MLLT1: variants seen among roughly 807,000 people sequenced by gnomAD.
MLLT1 encodes the protein protein ENL.
MLLT1 carries 11 observed loss-of-function variants against 55.1 expected under a neutral mutation model. The observed-to-expected ratio is 0.20, with a 90% confidence interval of 0.13 to 0.33. The LOEUF (loss-of-function observed/expected upper bound fraction) is 0.33, where lower values mean the gene tolerates loss of function less well. MLLT1 is among the 10% of genes least tolerant of loss of function. MLLT1 has a pLI of 1.00. For missense variants in MLLT1, 536 were observed against 760.6 expected, an observed-to-expected ratio of 0.70 and a Z score of 3.47; for synonymous variants, 323 against 320.1, an observed-to-expected ratio of 1.01 and a Z score of -0.10.
At chr19:6,244,043 CA>C (rs1179461309) in intron 3 of MLLT1, among the ~76,000 whole-genome samples, 3,473 of 45,250 alleles carry the variant, frequency 0.077, 28 homozygotes, top group Middle Eastern at 0.1. Context: ...GACTCCACCT[CA>C]AAAAAAAAAA....
intron 2 of MLLT1, among the ~76,000 whole-genome samples, chr19:6,268,917 G>A (rs1021779755): frequency 6.6e-6 from 1 of 152,222 alleles, no homozygotes. Context: ...ACTTGGAGAA[G>A]GTGCCATGTC....
At chr19:6,213,884 C>A in intron 9 of MLLT1, 55 bp downstream of exon 9, 1 of 1,527,158 alleles carries the variant, frequency 6.5e-7, no homozygotes, top group South Asian at 1.2e-5. Context: ...GACAGCCCGG[C>A]CCAGGGCTAA....
chr19:6,279,701 G>A (rs1369533408), intron 1 of MLLT1, 72 bp downstream of exon 1: 1 of 148,392 alleles, frequency 6.7e-6, no homozygotes, highest in Non-Finnish European at 1.5e-5. Flanking sequence ...CCGGGACCGG[G>A]GAGGGCCGGG....
At chr19:6,221,021 A>G (rs1030353671) in intron 6 of MLLT1, among the ~76,000 whole-genome samples, 1 of 152,204 alleles carries the variant, frequency 6.6e-6, no homozygotes, top group African/African-American at 2.4e-5. Context: ...TGTTACCCAG[A>G]GGCTGGACCG....
intron 6 of MLLT1, 73 bp from the exon 7 acceptor site, chr19:6,218,114 GC>G (rs1300992200): frequency 2.6e-6 from 4 of 1,523,244 alleles, no homozygotes; most frequent in African/African-American, 2.8e-5. Flanking sequence ...GACAAAGGGG[GC>G]CCCCTGGCAG....
Position 6,249,564 on chromosome 19 carries a change from C to T in MLLT1, c.276+12664G>A, listed in dbSNP as rs79584678. ...CCACTTTCCAAAAGAACAGTTCAGC[C>T]GCAGCATGCAGAAGCCTCGAGGCCG... On this transcript the variant is annotated intron_variant, in intron 3 of 11. Transcript: ENST00000252674. Among the ~76,000 whole-genome samples, 165 of 152,270 alleles carry T rather than the reference C, an allele frequency of 1.1e-3. 1 individual carries two copies. Among genetic ancestry groups the T allele is most frequent in the African/African-American group, 3.7e-3 (154 of 41,548 alleles).
intron 3 of MLLT1, among the ~76,000 whole-genome samples, chr19:6,242,331 G>C (rs567769336): frequency 2.6e-5 from 4 of 152,326 alleles, no homozygotes; most frequent in Admixed American, 2.6e-4. Context: ...CCCAGGATGT[G>C]TCAGGAAGAT....
At position 6,229,819 on chromosome 19, in the gene MLLT1, A is replaced by G. The variant is rs1600183626; in HGVS notation, c.420+751T>C. Among the ~76,000 whole-genome samples, 1 of 151,472 alleles carries G rather than the reference A, an allele frequency of 6.6e-6. No homozygotes were observed. Among genetic ancestry groups the G allele is most frequent in the Non-Finnish European group, 1.5e-5 (1 of 67,848 alleles). On this transcript the variant is annotated intron_variant, in intron 4 of 11. Coordinates refer to ENST00000252674, the MANE Select transcript of MLLT1 (RefSeq NM_005934.4). This position sits in a 1 kb window ranked among gnomAD's most constrained non-coding sequence, Gnocchi z 5.2. ...GCCACTCACACCATACACGAGACAC[A>G]TGCCACACACAACACACGTACATAC...
Position 6,262,315 on chromosome 19 carries a change from A to C in MLLT1, c.194-5T>G. On this transcript the variant is annotated splice_region_variant and splice_polypyrimidine_tract_variant and intron_variant, in intron 2 of 11. Transcript: ENST00000252674. The surrounding 1 kb of genome is among the most constrained non-coding windows in gnomAD (Gnocchi z 4.4). ...TGTAGGGGGGCTCCTTGCACACTAA[A>C]AAGAAAAGGAAGAAACACACCCATC... 1.9e-6 allele frequency: 3 copies of C among 1,612,860 alleles called. No individual in the cohort carries two copies. The South Asian group carries it at 3.3e-5, about 18-fold the overall frequency.
intron 2 of MLLT1, among the ~76,000 whole-genome samples, chr19:6,264,249 C>G (rs2091328427): frequency 6.6e-6 from 1 of 151,932 alleles, no homozygotes; most frequent in African/African-American, 2.4e-5. Context: ...CCCTCCACCC[C>G]TCCCCACCCC....
At position 6,226,450 on chromosome 19, in the gene MLLT1, G is replaced by A. The variant is rs535304005; in HGVS notation, c.546+527C>T. ...TGACCGACTGGGCCGAGATGAGACC[G>A]TAAAAAGTTTCTTCCACACTGAAAT... On this transcript the variant is annotated intron_variant, in intron 5 of 11. Transcript: ENST00000252674. The surrounding 1 kb of genome is among the most constrained non-coding windows in gnomAD (Gnocchi z 6.3). 1.4e-4 allele frequency among the ~76,000 whole-genome samples: 21 copies of A among 152,226 alleles called. No individual in the cohort carries two copies. The East Asian group carries it at 2.9e-3, about 21-fold the overall frequency.
intron 6 of MLLT1, among the ~76,000 whole-genome samples, chr19:6,221,813 G>A (rs2090900125): frequency 6.6e-6 from 1 of 152,246 alleles, no homozygotes; most frequent in Non-Finnish European, 1.5e-5. Context: ...GGCCCATGCA[G>A]GGGGCTGCTG....
rs979461517 is a variant in MLLT1, at chr19:6,245,022, A to C, written c.277-14309T>G. Among the ~76,000 whole-genome samples, 7 of 152,220 alleles carry C rather than the reference A, an allele frequency of 4.6e-5. No individual in the cohort carries two copies. In the South Asian group the frequency reaches 1.2e-3, roughly 27 times the overall value. ...TAAAATGGCACAGCTGCTGAAAAAC[A>C]GTCTGGCAGTTACTCAAAAAGTTAA... On this transcript the variant is annotated intron_variant, in intron 3 of 11. Coordinates refer to ENST00000252674, the MANE Select transcript of MLLT1 (RefSeq NM_005934.4).
rs1007709587 is a variant in MLLT1 at position 6,262,414 on chromosome 19, G to A, written c.194-104C>T. ...CTCAACCCCACCACCTCCTCACAGG[G>A]GCTTGGCTGGCCTCTCGGGGGTGGC... On this transcript the variant is annotated intron_variant, in intron 2 of 11. Coordinates refer to ENST00000252674, the MANE Select transcript of MLLT1 (RefSeq NM_005934.4). This position sits in a 1 kb window ranked among gnomAD's most constrained non-coding sequence, Gnocchi z 4.4. The A allele has an allele frequency of 2.2e-6, 2 of 914,020 alleles. No individual in the cohort carries two copies. The highest frequency in any genetic ancestry group is 5.0e-5 in the East Asian group (2 of 39,860). The allele number at this position is 914,020 out of a possible 1,614,324, so 56.6% of individuals were successfully genotyped here.
rs1290309820 is a variant in MLLT1 at position 6,210,948 on chromosome 19, A to T, written c.*2094T>A. The T allele has an allele frequency of 2.6e-5, 6 of 230,896 alleles. No homozygotes were observed. The highest frequency in any genetic ancestry group is 5.1e-5 in the Non-Finnish European group (6 of 116,798). 14.3% of individuals were successfully genotyped at this position (230,896 alleles called of 1,614,324 possible). ...CTGAGAACTGGGTTGGTGCTTCCGG[A>T]GGCCTTGGAAACGGCAGGAAGGGCC... is the stretch of plus-strand genomic sequence containing the variant. On this transcript the variant is annotated 3_prime_UTR_variant, in exon 12 of 12. Transcript: ENST00000252674. The surrounding 1 kb of genome is among the most constrained non-coding windows in gnomAD (Gnocchi z 4.6).
In MLLT1 at chr19:6,213,936, C is replaced by T. The variant is rs1402351538; in HGVS notation, c.1407+3G>A. 2.1e-6 allele frequency: 3 copies of T among 1,454,560 alleles called. No homozygotes were observed. Among genetic ancestry groups the T allele is most frequent in the African/African-American group, 2.9e-5 (2 of 70,100 alleles). 90.1% of individuals were successfully genotyped at this position (1,454,560 alleles called of 1,614,324 possible). A position where few individuals can be genotyped will look rare whatever the true frequency, so the allele number is the denominator to read the frequency against. ...ACCCCCTGCCTGCAGGCCCCAGGCT[C>T]ACCTTGCTGTTGGGCGGGGGTGGCT... On this transcript the variant is annotated splice_donor_region_variant and intron_variant, in intron 9 of 11. Coordinates refer to ENST00000252674, the MANE Select transcript of MLLT1 (RefSeq NM_005934.4).
At chr19:6,239,625 A>G (rs2091096815) in intron 3 of MLLT1, among the ~76,000 whole-genome samples, 1 of 152,070 alleles carries the variant, frequency 6.6e-6, no homozygotes, top group African/African-American at 2.4e-5. Flanking sequence ...ACCCACCCAC[A>G]CACCCATGTA....
At chr19:6,271,479 G>A (rs920416868) in intron 1 of MLLT1, among the ~76,000 whole-genome samples, 1 of 151,794 alleles carries the variant, frequency 6.6e-6, no homozygotes, top group Non-Finnish European at 1.5e-5. Context: ...CGTGGCCTGG[G>A]CAGCCCAGCT....
intron 3 of MLLT1, among the ~76,000 whole-genome samples, chr19:6,233,120 G>A (rs192656127): frequency 5.1e-4 from 78 of 152,290 alleles, no homozygotes; most frequent in African/African-American, 1.8e-3. Context: ...ACAGACCAAG[G>A]GGCTCGAGGT....
Sources: gnomAD v4.1 joint callset for allele counts (sites outside exome capture counted in the v4.1 genomes callset) on GRCh38, gnomAD v4.1.1 for gene constraint, Gnocchi (gnomAD v3.1) non-coding constraint, MANE v1.5 for transcripts, NCBI Gene and HGNC (gene_info 2026-07-23, HGNC 2026-07-21) for gene names.